Variants in PABIR2 observed in about 807,000 individuals in gnomAD.
PABIR2 encodes PABIR family member 2, also known as family with sequence similarity 122B.
A neutral mutation model predicts 22.8 loss-of-function variants in PABIR2; 7 were observed. The ratio of observed to expected loss-of-function variants is 0.31; its 90% CI spans 0.17 to 0.58. The LOEUF (loss-of-function observed/expected upper bound fraction) is 0.58, where lower values mean the gene tolerates loss of function less well. PABIR2 is among the 20% of genes least tolerant of loss of function. The pLI is 0.89. For synonymous variants in PABIR2, 67 were observed against 73.8 expected, an observed-to-expected ratio of 0.91 and a Z score of 0.47; for missense variants, 155 against 205.1, an observed-to-expected ratio of 0.76 and a Z score of 1.49.
rs1302862069 is a variant in PABIR2 at position 134,793,795 on chromosome X, ATACT to A, written c.177+16_177+19del. On this transcript the variant is annotated intron_variant, in intron 2 of 9. Transcript: ENST00000343004. ...TTTTCCCCAATCTAAATCACTTCAG[ATACT>A]TACTTCTATACTTACCAGGCTGTGA... is the stretch of plus-strand genomic sequence containing the variant. 1.7e-6 allele frequency: 2 copies of A among 1,193,477 alleles called. No homozygotes were observed. Among genetic ancestry groups the A allele is most frequent in the Admixed American group, 2.2e-5 (1 of 45,196 alleles).
In PABIR2 at chrX:134,789,282, T is replaced by C. The variant is rs776071037; in HGVS notation, c.235-16A>G. On this transcript the variant is annotated splice_polypyrimidine_tract_variant and intron_variant, in intron 3 of 9. Coordinates refer to ENST00000343004, the MANE Select transcript of PABIR2 (RefSeq NM_001387468.1). ...GGCCTTCTTCCTGCAAAGACAAACA[T>C]ATATGCTAAAAAGGCAGGATCACTG... 1 of 1,211,691 alleles carries C rather than the reference T, an allele frequency of 8.3e-7. No individual in the cohort carries two copies. The highest frequency in any genetic ancestry group is 3.0e-5 in the East Asian group (1 of 33,863).
At chrX:134,774,532 G>T (rs757879627) in intron 9 of PABIR2, among the ~76,000 whole-genome samples, 1 of 110,656 alleles carries the variant, frequency 9.0e-6, no homozygotes, top group Non-Finnish European at 1.9e-5. Flanking sequence ...AGGCCTGCTT[G>T]CTTGGGTGAA....
In PABIR2 at chrX:134,796,102, G is replaced by C. The variant is rs761073022; in HGVS notation, c.98+6C>G. Reference sequence around the variant, plus strand: ...CCTGTACTCCATCCTCCCCAACCCTGCTCACCTGAGCCCATGGATTAGGGG... The same window carrying C: ...CCTGTACTCCATCCTCCCCAACCCTCCTCACCTGAGCCCATGGATTAGGGG... On this transcript the variant is annotated splice_donor_region_variant and intron_variant, in intron 1 of 9. Coordinates refer to ENST00000343004, the MANE Select transcript of PABIR2 (RefSeq NM_001387468.1). 31 of 1,204,415 alleles carry C rather than the reference G, an allele frequency of 2.6e-5. No homozygotes were observed. In the South Asian group the frequency reaches 5.1e-4, roughly 20 times the overall value.
chrX:134,780,606 T>C (rs1277353993), intron 9 of PABIR2, among the ~76,000 whole-genome samples: 1 of 111,816 alleles, frequency 8.9e-6, no homozygotes, highest in African/African-American at 3.3e-5. Flanking sequence ...AATCCTCAGC[T>C]GTAAAACTCA....
At chrX:134,792,922 G>A (rs768696654) in intron 2 of PABIR2, among the ~76,000 whole-genome samples, 1 of 112,341 alleles carries the variant, frequency 8.9e-6, no homozygotes, top group Admixed American at 9.4e-5. Flanking sequence ...CGCTTGGGGT[G>A]TACTAACAGG....
At chrX:134,795,706 G>C (rs2079753892) in intron 1 of PABIR2, among the ~76,000 whole-genome samples, 1 of 112,373 alleles carries the variant, frequency 8.9e-6, no homozygotes. Context: ...GTAAACATCT[G>C]TTAATGCCAG....
At chrX:134,792,170 A>G (rs1392569566) in intron 2 of PABIR2, among the ~76,000 whole-genome samples, 1 of 112,388 alleles carries the variant, frequency 8.9e-6, no homozygotes, top group Non-Finnish European at 1.9e-5. Context: ...CAAAGGAGAT[A>G]TAAGGATTAA....
chrX:134,785,823 T>A (rs2079299146), intron 8 of PABIR2, 63 bp downstream of exon 8: 1 of 1,056,555 alleles, frequency 9.5e-7, no homozygotes, highest in South Asian at 1.9e-5. Context: ...AGATCTACTT[T>A]CTTAGCAAAT....
chrX:134,786,706 C>T (rs1391926861), intron 7 of PABIR2, among the ~76,000 whole-genome samples: 1 of 111,492 alleles, frequency 9.0e-6, no homozygotes, highest in African/African-American at 3.3e-5. Flanking sequence ...GCCTGTAATC[C>T]CAGTACTTTG....
At chrX:134,787,599 C>T (rs1301290741) in intron 6 of PABIR2, 66 bp from the exon 7 acceptor site, 2 of 777,402 alleles carry the variant, frequency 2.6e-6, no homozygotes, top group African/African-American at 2.4e-5. Flanking sequence ...TCTAGCACTC[C>T]AGTTTTCTTT....
intron 5 of PABIR2, 95 bp from the exon 6 acceptor site, chrX:134,788,926 G>A (rs2079462633): frequency 1.0e-6 from 1 of 998,365 alleles, no homozygotes; most frequent in African/African-American, 1.9e-5. Flanking sequence ...AAGGAGAAAG[G>A]TATAGACTCT....
chrX:134,794,383 G>C (rs1447854137), intron 1 of PABIR2, among the ~76,000 whole-genome samples: 4 of 111,580 alleles, frequency 3.6e-5, no homozygotes, highest in Non-Finnish European at 7.5e-5. Context: ...CTGTTTGATG[G>C]AATAAACATA....
At chrX:134,787,829 G>A (rs1370963044) in intron 6 of PABIR2, among the ~76,000 whole-genome samples, 3 of 102,655 alleles carry the variant, frequency 2.9e-5, no homozygotes, top group African/African-American at 7.1e-5. Flanking sequence ...ATGGGGTCTC[G>A]CCATGTTGCC....
chrX:134,771,845 A>T lies in PABIR2; in HGVS notation c.*294T>A. ...CCTTTCTTAAATGTATAGACTCAAA[A>T]TAGGTGTTTTTTGAGGCACTAAGAA... On this transcript the variant is annotated 3_prime_UTR_variant, in exon 10 of 10. Coordinates refer to ENST00000343004, the MANE Select transcript of PABIR2 (RefSeq NM_001387468.1). 7 of 876,923 alleles carry T rather than the reference A, an allele frequency of 8.0e-6. No individual in the cohort carries two copies. Among genetic ancestry groups the T allele is most frequent in the Non-Finnish European group, 9.7e-6 (7 of 718,000 alleles). The allele number at this position is 876,923 out of a possible 1,213,427, so 72.3% of individuals were successfully genotyped here. A position where few individuals can be genotyped will look rare whatever the true frequency, so the allele number is the denominator to read the frequency against.
intron 9 of PABIR2, among the ~76,000 whole-genome samples, chrX:134,781,225 C>T (rs1449788139): frequency 4.4e-5 from 5 of 112,822 alleles, no homozygotes. Flanking sequence ...ATACTGTTGA[C>T]TTTGAAATAA....
At chrX:134,791,703 A>T in intron 2 of PABIR2, 1 of 328,511 alleles carries the variant, frequency 3.0e-6, no homozygotes, top group South Asian at 2.7e-5. Flanking sequence ...TTTACACAAG[A>T]TAGGTGTCTG....
In PABIR2 at chrX:134,781,935, G is replaced by A. The variant is rs368857530; in HGVS notation, c.563-18C>T. On this transcript the variant is annotated intron_variant, in intron 8 of 9. Coordinates refer to ENST00000343004, the MANE Select transcript of PABIR2 (RefSeq NM_001387468.1). The stretch of plus-strand genomic sequence containing the variant: ...CATTTCACCTAAAACAGAAAGAGAT[G>A]ATGCTACTATAAAACAATTTTACAA... 4 of 1,124,262 alleles carry A rather than the reference G, an allele frequency of 3.6e-6. No homozygotes were observed. In the African/African-American group the frequency reaches 5.4e-5, roughly 15 times the overall value. 92.7% of individuals were successfully genotyped at this position (1,124,262 alleles called of 1,213,427 possible).
At chrX:134,784,322 C>T (rs1183243423) in intron 8 of PABIR2, among the ~76,000 whole-genome samples, 3 of 108,051 alleles carry the variant, frequency 2.8e-5, no homozygotes, top group Non-Finnish European at 3.8e-5. Context: ...ATTCGCCAGG[C>T]GTGGTGGTGG....
intron 6 of PABIR2, among the ~76,000 whole-genome samples, chrX:134,788,462 A>G (rs1484506075): frequency 2.8e-5 from 3 of 105,950 alleles, no homozygotes; most frequent in Non-Finnish European, 5.8e-5. Flanking sequence ...TATATGTTAT[A>G]TATGTGTTAT....
Sources: gnomAD v4.1 joint callset for allele counts (sites outside exome capture counted in the v4.1 genomes callset) on GRCh38, gnomAD v4.1.1 for gene constraint, MANE v1.5 for transcripts, NCBI Gene and HGNC (gene_info 2026-07-23, HGNC 2026-07-21) for gene names.